SPARC: variants seen among roughly 807,000 people sequenced by gnomAD.
SPARC encodes secreted protein acidic and cysteine rich.
SPARC carries 23 observed loss-of-function variants against 37.7 expected under a neutral mutation model. The ratio of observed to expected loss-of-function variants is 0.61; its 90% CI spans 0.44 to 0.87. The LOEUF (loss-of-function observed/expected upper bound fraction) is 0.87. Among genes scored for constraint, SPARC ranks in the 40% least tolerant of loss-of-function variants. The pLI, the probability that SPARC is intolerant of heterozygous loss-of-function variation, is 0.00. For synonymous variants in SPARC, 155 were observed against 150.8 expected (o/e 1.03, Z -0.20); for missense variants, 312 against 389.0 (o/e 0.80, Z 1.66).
In SPARC at chr5:151,669,787, G is replaced by A. The variant is rs112369637; in HGVS notation, c.331-3C>T. The A allele has an allele frequency of 9.3e-6, 15 of 1,614,130 alleles. No homozygotes were observed. In the East Asian group the frequency reaches 3.3e-4, roughly 36 times the overall value. ...GTCTTGTTGTCATTGCTGCACACCT[G>A]TTGGCAAAGCACAGAGTACCCCCTC... On this transcript the variant is annotated splice_region_variant and splice_polypyrimidine_tract_variant and intron_variant, in intron 5 of 9. Coordinates refer to ENST00000231061, the MANE Select transcript of SPARC (RefSeq NM_003118.4).
chr5:151,669,464 C>G (rs1488902460), intron 6 of SPARC, among the ~76,000 whole-genome samples, 200 bp downstream of exon 6: 1 of 152,186 alleles, frequency 6.6e-6, no homozygotes, highest in Admixed American at 6.5e-5. Flanking sequence ...AGTCCTTCCC[C>G]AGAAAGTGCC....
rs76715136 is a variant in SPARC, at chr5:151,686,879, G to C, written c.-28C>G. 8.3e-3 allele frequency: 1,270 copies of C among 153,028 alleles called. 25 individuals carry two copies. Among genetic ancestry groups the C allele is most frequent in the African/African-American group, 0.029 (1,191 of 41,554 alleles). 9.5% of individuals were successfully genotyped at this position (153,028 alleles called of 1,614,324 possible). A position where few individuals can be genotyped will look rare whatever the true frequency, so the allele number is the denominator to read the frequency against. On this transcript the variant is annotated 5_prime_UTR_variant, in exon 1 of 10. Transcript: ENST00000231061. ...GTCACACATACCTCAGTGGCAGGCA[G>C]GCAGGCGGCAGGCAGAGCGCGCTCT...
At chr5:151,676,089 C>T (rs1048041002) in intron 2 of SPARC, 43 bp downstream of exon 2, 13 of 1,535,042 alleles carry the variant, frequency 8.5e-6, no homozygotes, top group Admixed American at 1.8e-5. Context: ...CTGGTGCTAG[C>T]GGTAGGAATG....
At chr5:151,665,403 G>GC (rs2113083748) in intron 8 of SPARC, among the ~76,000 whole-genome samples, 1 of 152,318 alleles carries the variant, frequency 6.6e-6, no homozygotes, top group South Asian at 2.1e-4. Flanking sequence ...GATTCCCAGA[G>GC]CCCAGGAGAC....
At chr5:151,674,372 G>C (rs1760812561) in intron 3 of SPARC, among the ~76,000 whole-genome samples, 1 of 152,124 alleles carries the variant, frequency 6.6e-6, no homozygotes, top group Admixed American at 6.5e-5. Context: ...CTGTTGCATA[G>C]CTTAAAAAAC....
At chr5:151,685,483 G>C (rs1761117806) in intron 1 of SPARC, among the ~76,000 whole-genome samples, 1 of 150,482 alleles carries the variant, frequency 6.6e-6, no homozygotes, top group Non-Finnish European at 1.5e-5. Flanking sequence ...TAGGGGCTTA[G>C]AGATGGCTTG....
chr5:151,686,073 A>C (rs1346142058), intron 1 of SPARC: 1 of 152,092 alleles, frequency 6.6e-6, no homozygotes, highest in Non-Finnish European at 1.5e-5. Context: ...CCCTTCTGAG[A>C]ATATCTCCCC....
chr5:151,668,835 C>A (rs186115046), intron 6 of SPARC, among the ~76,000 whole-genome samples: 1 of 152,156 alleles, frequency 6.6e-6, no homozygotes, highest in East Asian at 1.9e-4. Context: ...AATTTCATAC[C>A]TGGGGTCCCA....
chr5:151,676,520 T>C (rs1760861936), intron 1 of SPARC, among the ~76,000 whole-genome samples: 1 of 152,214 alleles, frequency 6.6e-6, no homozygotes, highest in Non-Finnish European at 1.5e-5. Context: ...TGTTTTGTTT[T>C]TTTTATGTGT....
chr5:151,669,832 C>T (rs576119036), intron 5 of SPARC, 48 bp from the exon 6 acceptor site: 45 of 1,609,204 alleles, frequency 2.8e-5, no homozygotes, highest in Admixed American at 2.2e-4. Flanking sequence ...CAAAGCCCTT[C>T]GCTGATACCA....
chr5:151,667,722 C>G (rs1760661229), intron 6 of SPARC, 122 bp from the exon 7 acceptor site: 4 of 1,060,514 alleles, frequency 3.8e-6, no homozygotes, highest in Non-Finnish European at 5.5e-6. Context: ...CTCAACCTCT[C>G]CAGGCCACAG....
intron 1 of SPARC, among the ~76,000 whole-genome samples, chr5:151,681,407 C>G (rs1266993360): frequency 6.6e-6 from 1 of 152,214 alleles, no homozygotes; most frequent in Non-Finnish European, 1.5e-5. Context: ...GGGGAGTCTC[C>G]TCTGCTCTCC....
intron 3 of SPARC, among the ~76,000 whole-genome samples, chr5:151,673,966 CTGTGTGTG>C (rs3138755): frequency 0.074 from 10,549 of 141,778 alleles, 407 homozygotes; most frequent in South Asian, 0.13. Flanking sequence ...CCCCTTTCCT[CTGTGTGTG>C]TGTGTGTGTG....
At chr5:151,669,601 A>G in intron 6 of SPARC, 63 bp downstream of exon 6, 2 of 1,563,808 alleles carry the variant, frequency 1.3e-6, no homozygotes, top group Non-Finnish European at 1.8e-6. Flanking sequence ...CAGAGACAGC[A>G]TCAGTGCCAG....
intron 6 of SPARC, among the ~76,000 whole-genome samples, chr5:151,668,741 A>C (rs1049838541): frequency 3.9e-5 from 6 of 152,100 alleles, no homozygotes; most frequent in African/African-American, 1.4e-4. Context: ...AGACTCCTTA[A>C]GACAGGCTCT....
Position 151,671,568 on chromosome 5 carries a change from C to T in SPARC, c.330+5G>A, listed in dbSNP as rs1349672294. 1 of 1,567,608 alleles carries T rather than the reference C, an allele frequency of 6.4e-7. No homozygotes were observed. Among genetic ancestry groups the T allele is most frequent in the Non-Finnish European group, 8.6e-7 (1 of 1,157,842 alleles). On this transcript the variant is annotated splice_donor_5th_base_variant and intron_variant, in intron 5 of 9. Transcript: ENST00000231061. ...TTCCCCCTGCCCCTGTCTCTCAGCCCTCACCTTCTCAAACTCGCCAATGGG... is the reference window on the plus strand; with the variant it reads ...TTCCCCCTGCCCCTGTCTCTCAGCCTTCACCTTCTCAAACTCGCCAATGGG...
At chr5:151,681,427 AC>A (rs1236560637) in intron 1 of SPARC, among the ~76,000 whole-genome samples, 3 of 151,950 alleles carry the variant, frequency 2.0e-5, no homozygotes, top group Non-Finnish European at 2.9e-5. Context: ...CAGAACTAAC[AC>A]CCCCAGCTTG....
intron 1 of SPARC, among the ~76,000 whole-genome samples, chr5:151,680,925 G>A (rs1412942671): frequency 6.6e-6 from 1 of 152,200 alleles, no homozygotes; most frequent in African/African-American, 2.4e-5. Context: ...TGCTTTATAA[G>A]CCCAGGGAGA....
At chr5:151,681,339 G>C (rs879539331) in intron 1 of SPARC, among the ~76,000 whole-genome samples, 6 of 152,186 alleles carry the variant, frequency 3.9e-5, no homozygotes, top group African/African-American at 1.4e-4. Context: ...CTCATGACGT[G>C]GAAGTCAGGA....
Sources: allele counts gnomAD v4.1 joint callset (sites outside exome capture counted in the v4.1 genomes callset), GRCh38; gene constraint gnomAD v4.1.1; transcripts MANE v1.5; gene names NCBI Gene and HGNC (gene_info 2026-07-23, HGNC 2026-07-21).